NTNG1: variants seen among roughly 807,000 people sequenced by gnomAD.
NTNG1 encodes the protein netrin G1.
Under a neutral mutation model 54.0 loss-of-function variants are expected in NTNG1, and 16 were observed. That is an observed-to-expected ratio of 0.30 (90% CI 0.20 to 0.45). The LOEUF (loss-of-function observed/expected upper bound fraction) is 0.45. NTNG1 is among the 20% of genes least tolerant of loss of function. The pLI is 1.00. For missense variants in NTNG1, 530 were observed against 678.7 expected, an observed-to-expected ratio of 0.78 and a Z score of 2.43; for synonymous variants, 255 against 263.1, an observed-to-expected ratio of 0.97 and a Z score of 0.30.
At chr1:107,349,645 G>T (rs1669479710) in intron 3 of NTNG1, among the ~76,000 whole-genome samples, 2 of 151,770 alleles carry the variant, frequency 1.3e-5, no homozygotes, top group Non-Finnish European at 2.9e-5. Flanking sequence ...CTTTTGCTTT[G>T]CTCTGTAGTT....
At chr1:107,212,671 C>G (rs546899177) in intron 2 of NTNG1, among the ~76,000 whole-genome samples, 2 of 152,160 alleles carry the variant, frequency 1.3e-5, no homozygotes, top group Non-Finnish European at 2.9e-5. Flanking sequence ...GGACATAGCC[C>G]GAACAATCTG....
chr1:107,150,524 T>A (rs939075449), intron 2 of NTNG1, among the ~76,000 whole-genome samples: 9 of 152,184 alleles, frequency 5.9e-5, no homozygotes, highest in Admixed American at 1.3e-4. Flanking sequence ...TATATTGGTT[T>A]ACATGACACT....
chr1:107,359,865 C>T (rs996675883), intron 3 of NTNG1, among the ~76,000 whole-genome samples: 2 of 152,048 alleles, frequency 1.3e-5, no homozygotes, highest in African/African-American at 4.8e-5. Context: ...TTATAGAAAA[C>T]AGTATTTTCT....
rs1676046649 is a variant in NTNG1, at chr1:107,442,781, CCTT to C, written c.1390+5986_1390+5988del. 2.0e-5 allele frequency among the ~76,000 whole-genome samples: 3 copies of C among 151,516 alleles called. 1 individual carries two copies. In the South Asian group the frequency reaches 6.3e-4, roughly 32 times the overall value. ...TTGCAGACAGTGATGTAAGAGAGTC[CCTT>C]CTTTGATGAAAGTTTTTTCATATGA... is the stretch of plus-strand genomic sequence containing the variant. On this transcript the variant is annotated intron_variant, in intron 7 of 7. Transcript: ENST00000370068.
intron 2 of NTNG1, among the ~76,000 whole-genome samples, chr1:107,305,317 C>G (rs530959563): frequency 2.4e-4 from 36 of 152,286 alleles, no homozygotes; most frequent in African/African-American, 7.7e-4. Flanking sequence ...GCCACACTGT[C>G]TTCCACAATG....
chr1:107,439,574 C>T (rs2166018), intron 7 of NTNG1, among the ~76,000 whole-genome samples: 26,076 of 151,976 alleles, frequency 0.17, 2,300 homozygotes, highest in Middle Eastern at 0.24. Flanking sequence ...AATTTAACAT[C>T]GTCCAAACAC....
intron 7 of NTNG1, among the ~76,000 whole-genome samples, chr1:107,463,647 A>C (rs1379007753): frequency 6.6e-6 from 1 of 152,190 alleles, no homozygotes; most frequent in Non-Finnish European, 1.5e-5. Flanking sequence ...TTACATCAAA[A>C]GAAAATGTAA....
intron 5 of NTNG1, among the ~76,000 whole-genome samples, chr1:107,430,084 G>A (rs942473419): frequency 2.0e-5 from 3 of 152,132 alleles, no homozygotes; most frequent in Non-Finnish European, 4.4e-5. Context: ...GCACCTTTTC[G>A]CACAAATTAT....
intron 2 of NTNG1, among the ~76,000 whole-genome samples, chr1:107,219,473 G>A (rs1310139861): frequency 2.0e-5 from 3 of 152,142 alleles, no homozygotes; most frequent in Non-Finnish European, 2.9e-5. Flanking sequence ...GTGATCTTTT[G>A]TGGGTGTTAA....
At chr1:107,274,230 A>G (rs367831978) in intron 2 of NTNG1, among the ~76,000 whole-genome samples, 2 of 152,316 alleles carry the variant, frequency 1.3e-5, no homozygotes. Flanking sequence ...CATTCTGGGA[A>G]AAAAAGTAAC....
chr1:107,392,954 T>A (rs1050739508), intron 3 of NTNG1, among the ~76,000 whole-genome samples: 2 of 152,156 alleles, frequency 1.3e-5, no homozygotes, highest in South Asian at 2.1e-4. Context: ...GAATGGTTAA[T>A]AAGCTTTAGG....
At chr1:107,309,204 T>C (rs1165814217) in intron 2 of NTNG1, among the ~76,000 whole-genome samples, 2 of 152,172 alleles carry the variant, frequency 1.3e-5, no homozygotes, top group African/African-American at 2.4e-5. Flanking sequence ...TCAGCCTGTG[T>C]CTTAGGCTTC....
chr1:107,441,040 GA>G (rs71807086), intron 7 of NTNG1, among the ~76,000 whole-genome samples: 43,478 of 151,712 alleles, frequency 0.29, 6,499 homozygotes, highest in Non-Finnish European at 0.3. Flanking sequence ...GAAAGAAAGA[GA>G]AAAAAAGTTT....
rs1668309124 is a variant in NTNG1 at position 107,331,985 on chromosome 1, T to A, written c.887+7063T>A. On this transcript the variant is annotated intron_variant, in intron 3 of 7. Transcript: ENST00000370068. ...CAAATGAAAAGCATGGTAATCATAA[T>A]TAAAAATTAAAAACCAACATAAAAC... Among the ~76,000 whole-genome samples, 4 of 152,068 alleles carry A rather than the reference T, an allele frequency of 2.6e-5. No homozygotes were observed. In the South Asian group the frequency reaches 8.3e-4, roughly 31 times the overall value.
chr1:107,442,544 A>G (rs1046552233), intron 7 of NTNG1, among the ~76,000 whole-genome samples: 9 of 152,306 alleles, frequency 5.9e-5, no homozygotes, highest in African/African-American at 2.2e-4. Flanking sequence ...AAAAATGCAG[A>G]TGGTATAAGG....
At chr1:107,464,559 C>G (rs921452978) in intron 7 of NTNG1, among the ~76,000 whole-genome samples, 2 of 152,012 alleles carry the variant, frequency 1.3e-5, no homozygotes, top group African/African-American at 4.8e-5. Context: ...GAGGCTTGCA[C>G]GGAACAACAA....
rs74696493 is a variant in NTNG1, at chr1:107,379,429, A to C, written c.888-15725A>C. ...TTCAGATTTGATTCAAGCACCTGAA[A>C]GTTTAAAATTGTGTCCAAACTACAC... is the stretch of plus-strand genomic sequence containing the variant. On this transcript the variant is annotated intron_variant, in intron 3 of 7. Transcript: ENST00000370068. 5.3e-4 allele frequency among the ~76,000 whole-genome samples: 81 copies of C among 152,314 alleles called. 1 individual carries two copies. The East Asian group carries it at 7.9e-3, about 15-fold the overall frequency.
intron 3 of NTNG1, among the ~76,000 whole-genome samples, chr1:107,372,614 A>C (rs987377928): frequency 1.3e-5 from 2 of 152,096 alleles, no homozygotes; most frequent in African/African-American, 4.8e-5. Flanking sequence ...AAGAATGCAT[A>C]ATCTGATGTT....
chr1:107,191,570 T>G (rs1239052926), intron 2 of NTNG1, among the ~76,000 whole-genome samples: 24 of 152,136 alleles, frequency 1.6e-4, no homozygotes, highest in African/African-American at 5.6e-4. Flanking sequence ...GGTCTAACAT[T>G]TAAGTCTTTA....
Sources: gnomAD v4.1 joint callset for allele counts (sites outside exome capture counted in the v4.1 genomes callset) on GRCh38, gnomAD v4.1.1 for gene constraint, MANE v1.5 for transcripts, NCBI Gene and HGNC (gene_info 2026-07-23, HGNC 2026-07-21) for gene names.